Variants in COBLL1 observed in about 807,000 individuals in gnomAD.
The protein encoded by COBLL1 is cordon-bleu protein-like 1.
In COBLL1, 50 loss-of-function variants were observed where a neutral mutation model predicts 94.8. The observed-to-expected ratio is 0.53, with a 90% CI of 0.42 to 0.67. COBLL1 has a LOEUF of 0.67. COBLL1 is among the 30% of genes least tolerant of loss of function. COBLL1 has a pLI of 0.00. For synonymous variants in COBLL1, 448 were observed against 473.8 expected, an observed-to-expected ratio of 0.95 and a Z score of 0.71; for missense variants, 1,362 against 1,348.7, an observed-to-expected ratio of 1.01 and a Z score of -0.15.
intron 7 of COBLL1, among the ~76,000 whole-genome samples, chr2:164,719,271 T>A (rs976880988): frequency 1.3e-5 from 2 of 152,134 alleles, no homozygotes; most frequent in African/African-American, 4.8e-5. Context: ...GGATCTTAAA[T>A]ACGTCTTCCA....
chr2:164,819,694 C>T (rs915457293), intron 2 of COBLL1, among the ~76,000 whole-genome samples: 1 of 151,950 alleles, frequency 6.6e-6, no homozygotes, highest in Non-Finnish European at 1.5e-5. Context: ...TTTTCACTGA[C>T]TTTCATTTAA....
Position 164,695,352 on chromosome 2 carries a change from A to T in COBLL1, c.2040T>A (p.His680Gln). 6.2e-7 allele frequency: 1 copy of T among 1,613,930 alleles called. No homozygotes were observed. Among genetic ancestry groups the T allele is most frequent in the South Asian group, 1.1e-5 (1 of 91,074 alleles). The change falls in exon 12 of 14, where the codon CAT (histidine) becomes CAA (glutamine). Residue 680 changes from histidine to glutamine, a missense_variant. By Grantham distance (24) the His-to-Gln change is conservative. Coordinates refer to ENST00000652658, the MANE Select transcript of COBLL1 (RefSeq NM_001365672.2). ...PLTVKDPICAHGNDDLLPPVD... is the reference protein window; with the variant it reads ...PLTVKDPICAQGNDDLLPPVD... The stretch of plus-strand genomic sequence containing the variant: ...CAGGAGGCAAAAGATCATCATTACC[A>T]TGTGCACAAATTGGATCTTTTACGG...
At position 164,695,272 on chromosome 2, in the gene COBLL1, T is replaced by C. The variant is rs777856550; in HGVS notation, c.2120A>G (p.Tyr707Cys). ...TGGCTTGGGATTGTAGTCCTGTCTA[T>C]AAAGTGGGTAATTCTTTAGGTAAGA... is the stretch of plus-strand genomic sequence containing the variant. ...TASYLKNYPL[Y>C]RQDYNPKPKP... Residue 707 changes from tyrosine (Y) to cysteine (C), a missense_variant, in exon 12 of 14, where the codon TAT becomes TGT. Tyr to Cys is a radical substitution (Grantham distance 194). Coordinates refer to ENST00000652658, the MANE Select transcript of COBLL1 (RefSeq NM_001365672.2). 3 of 1,613,960 alleles carry C rather than the reference T, an allele frequency of 1.9e-6. No homozygotes were observed. The Admixed American group carries it at 5.0e-5, about 27-fold the overall frequency.
chr2:164,719,472 G>A (rs1023967628), intron 7 of COBLL1, among the ~76,000 whole-genome samples: 2 of 152,160 alleles, frequency 1.3e-5, no homozygotes, highest in East Asian at 1.9e-4. Flanking sequence ...AGGTGTTGGC[G>A]GAGTCATGCT....
chr2:164,783,185 T>C (rs569901171), intron 2 of COBLL1, among the ~76,000 whole-genome samples: 1 of 152,256 alleles, frequency 6.6e-6, no homozygotes, highest in South Asian at 2.1e-4. Context: ...GAGAATCAGT[T>C]GAGCCCAGGA....
Position 164,841,060 on chromosome 2 carries a change from G to A in COBLL1, c.41+96C>T, listed in dbSNP as rs1412607716. 1 of 1,180,216 alleles carries A rather than the reference G, an allele frequency of 8.5e-7. No homozygotes were observed. The highest frequency in any genetic ancestry group is 1.1e-6 in the Non-Finnish European group (1 of 942,216). 73.1% of individuals were successfully genotyped at this position (1,180,216 alleles called of 1,614,324 possible). ...GTCAGTGAGTCAGGCCGCCGGCAGG[G>A]CAGCGAGTTGCCAGCCAGGTGAAAC... On this transcript the variant is annotated intron_variant, in intron 2 of 13. Transcript: ENST00000652658. The surrounding 1 kb of genome is among the most constrained non-coding windows in gnomAD (Gnocchi z 5.5).
Position 164,841,166 on chromosome 2 carries a change from C to A in COBLL1, c.31G>T (p.Ala11Ser). MDGRTPRPQD[A>S]PARRKPKAKA... is the part of the protein sequence containing the mutation. ...GCGCTCTGGGCTTACCTGGCTGGGG[C>A]GTCCTGCGGGCGCGGGGTTCGGCCG... Residue 11 changes from alanine (A) to serine (S), a missense_variant, in exon 2 of 14, where the codon GCC becomes TCC. Transcript: ENST00000652658. This position sits in a 1 kb window ranked among gnomAD's most constrained non-coding sequence, Gnocchi z 5.5. The A allele has an allele frequency of 1.6e-6, 2 of 1,231,422 alleles. No homozygotes were observed. The highest frequency in any genetic ancestry group is 2.0e-6 in the Non-Finnish European group (2 of 988,084). 76.3% of individuals were successfully genotyped at this position (1,231,422 alleles called of 1,614,324 possible). A position where few individuals can be genotyped will look rare whatever the true frequency, so the allele number is the denominator to read the frequency against.
chr2:164,836,519 T>G (rs10208785), intron 2 of COBLL1, among the ~76,000 whole-genome samples: 30,606 of 152,086 alleles, frequency 0.2, 3,187 homozygotes, highest in Middle Eastern at 0.28. Context: ...CAGAGCTTGT[T>G]TCTAATACTC....
intron 3 of COBLL1, chr2:164,743,477 A>G: frequency 2.3e-6 from 1 of 440,830 alleles, no homozygotes; most frequent in East Asian, 3.6e-5. Context: ...GAGTCATTTA[A>G]TTGGGTTTGT....
chr2:164,708,742 A>G (rs1684733226), intron 7 of COBLL1, among the ~76,000 whole-genome samples: 1 of 152,272 alleles, frequency 6.6e-6, no homozygotes, highest in Non-Finnish European at 1.5e-5. Flanking sequence ...TTTACCAGTA[A>G]GAATGCAACA....
chr2:164,755,530 T>C (rs908933899), intron 2 of COBLL1, among the ~76,000 whole-genome samples: 2 of 152,164 alleles, frequency 1.3e-5, no homozygotes. Flanking sequence ...AACATAGCAA[T>C]TATGTAAAGT....
At chr2:164,674,816 C>A (rs1272203051) in intron 1 of COBLL1, among the ~76,000 whole-genome samples, 4 of 152,212 alleles carry the variant, frequency 2.6e-5, no homozygotes, top group Admixed American at 2.6e-4. Context: ...TAATTTTCTT[C>A]TGCTATTGCA....
At chr2:164,689,164 G>GA (rs942845580) in intron 13 of COBLL1, among the ~76,000 whole-genome samples, 10 of 151,638 alleles carry the variant, frequency 6.6e-5, no homozygotes, top group East Asian at 3.9e-4. Flanking sequence ...TCTGAAACAT[G>GA]AAAAAAAACA....
At chr2:164,738,810 T>A (rs1686451952) in intron 3 of COBLL1, among the ~76,000 whole-genome samples, 1 of 152,152 alleles carries the variant, frequency 6.6e-6, no homozygotes, top group Admixed American at 6.5e-5. Context: ...CAATAAACAT[T>A]TCCTTTGAGC....
chr2:164,729,848 T>C, intron 4 of COBLL1, 66 bp downstream of exon 4: 1 of 1,374,946 alleles, frequency 7.3e-7, no homozygotes, highest in Non-Finnish European at 1.0e-6. Context: ...TCCATTTTTA[T>C]TTCACTTACA....
At chr2:164,675,100 T>C (rs1267409742) in intron 1 of COBLL1, among the ~76,000 whole-genome samples, 2 of 152,158 alleles carry the variant, frequency 1.3e-5, no homozygotes, top group Non-Finnish European at 2.9e-5. Flanking sequence ...CAGGGACCTT[T>C]GTCTTGATAA....
At chr2:164,718,353 C>T (rs1685281651) in intron 7 of COBLL1, 1 of 455,004 alleles carries the variant, frequency 2.2e-6, no homozygotes, top group African/African-American at 2.1e-5. Flanking sequence ...TCATGTTATA[C>T]CCATCAATTT....
At chr2:164,832,028 A>T (rs1683100585) in intron 2 of COBLL1, among the ~76,000 whole-genome samples, 1 of 152,192 alleles carries the variant, frequency 6.6e-6, no homozygotes, top group Non-Finnish European at 1.5e-5. Flanking sequence ...TTTTTCCAGC[A>T]CATCTCAATC....
intron 7 of COBLL1, among the ~76,000 whole-genome samples, chr2:164,721,383 T>C (rs767007191): frequency 3.3e-4 from 51 of 152,242 alleles, no homozygotes; most frequent in Non-Finnish European, 6.5e-4. Flanking sequence ...GCAAGGAATA[T>C]GCAGATTGTT....
Sources: gnomAD v4.1 joint callset for allele counts (sites outside exome capture counted in the v4.1 genomes callset) on GRCh38, gnomAD v4.1.1 for gene constraint, Gnocchi (gnomAD v3.1) non-coding constraint, MANE v1.5 for transcripts, NCBI Gene and HGNC (gene_info 2026-07-23, HGNC 2026-07-21) for gene names.